The following WWOX variants were observed in gnomAD, a reference collection of about 807,000 sequenced individuals.
WWOX encodes the protein WW domain-containing oxidoreductase.
In WWOX, 69 loss-of-function variants were observed where a neutral mutation model predicts 46.2. That is an observed-to-expected ratio of 1.49 (90% confidence interval 1.23 to 1.82). The LOEUF (loss-of-function observed/expected upper bound fraction) is 1.82, where lower values mean the gene tolerates loss of function less well. WWOX is among the 40% of genes most tolerant of loss of function. The probability of loss-of-function intolerance (pLI) is 0.00; values close to 1 mark genes in which losing one functional copy is unlikely to be tolerated. For synonymous variants in WWOX, 359 were observed against 202.6 expected, an observed-to-expected ratio of 1.77 and a Z score of -6.56; for missense variants, 919 against 542.6, an observed-to-expected ratio of 1.69 and a Z score of -6.89.
At chr16:78,305,599 C>T (rs569514127) in intron 5 of WWOX, among the ~76,000 whole-genome samples, 7 of 151,948 alleles carry the variant, frequency 4.6e-5, no homozygotes, top group South Asian at 2.1e-4. Context: ...TGAGCAAGAC[C>T]GTGTCATCCA....
intron 8 of WWOX, among the ~76,000 whole-genome samples, chr16:78,767,819 C>T (rs538568929): frequency 3.5e-4 from 53 of 152,250 alleles, no homozygotes; most frequent in Admixed American, 1.3e-3. Context: ...GTTAAGCGTA[C>T]TTTCACGTGC....
chr16:78,361,277 C>T (rs573076227), intron 5 of WWOX, among the ~76,000 whole-genome samples: 2 of 152,258 alleles, frequency 1.3e-5, no homozygotes, highest in South Asian at 4.1e-4. Flanking sequence ...AGTATATTAT[C>T]TCAGGTAGAA....
At chr16:79,050,470 G>A (rs2048145482) in intron 8 of WWOX, among the ~76,000 whole-genome samples, 1 of 152,158 alleles carries the variant, frequency 6.6e-6, no homozygotes, top group African/African-American at 2.4e-5. Flanking sequence ...ACCCAGAACT[G>A]GCATACCCAT....
At chr16:78,438,865 C>G (rs80240771) in intron 8 of WWOX, among the ~76,000 whole-genome samples, 3 of 152,184 alleles carry the variant, frequency 2.0e-5, no homozygotes, top group African/African-American at 2.4e-5. Context: ...TAAATTATAA[C>G]TAGAAAAAGC....
intron 8 of WWOX, among the ~76,000 whole-genome samples, chr16:78,609,054 AATTAGTT>A (rs1283013882): frequency 2.0e-5 from 3 of 152,160 alleles, no homozygotes; most frequent in Non-Finnish European, 4.4e-5. Flanking sequence ...ATGATAGAAA[AATTAGTT>A]ATTAAACAGT....
intron 8 of WWOX, among the ~76,000 whole-genome samples, chr16:79,019,061 G>T (rs550739714): frequency 1.4e-5 from 2 of 146,456 alleles, no homozygotes; most frequent in Non-Finnish European, 3.0e-5. Flanking sequence ...GGAAGCTGAG[G>T]TAAGGAGGAT....
intron 8 of WWOX, among the ~76,000 whole-genome samples, chr16:78,793,359 C>G (rs1028849617): frequency 6.6e-6 from 1 of 152,188 alleles, no homozygotes; most frequent in East Asian, 1.9e-4. Flanking sequence ...CCATGCCAGG[C>G]CCCTGCCTCT....
intron 8 of WWOX, chr16:79,204,238 C>T (rs556265754): frequency 6.6e-6 from 1 of 152,214 alleles, no homozygotes; most frequent in East Asian, 1.9e-4. Flanking sequence ...GGGAATTCTT[C>T]CATGGATATA....
chr16:79,004,964 G>T (rs2047163518), intron 8 of WWOX, among the ~76,000 whole-genome samples: 1 of 152,130 alleles, frequency 6.6e-6, no homozygotes, highest in East Asian at 1.9e-4. Flanking sequence ...AGGAGGAGTT[G>T]TTGTTTTCTT....
At position 78,386,953 on chromosome 16, in the gene WWOX, G is replaced by A. The variant is rs1039151413; in HGVS notation, c.605+5G>A. 2.5e-6 allele frequency: 4 copies of A among 1,613,148 alleles called. No homozygotes were observed. The Admixed American group carries it at 6.7e-5, about 27-fold the overall frequency. The stretch of plus-strand genomic sequence containing the variant: ...AGCATTCAAGGCCAAGAATGTGTGA[G>A]TGTTCCAGTGGAGGGTTATAGATCA... On this transcript the variant is annotated splice_donor_5th_base_variant and intron_variant, in intron 6 of 8. Transcript: ENST00000566780.
At chr16:79,139,524 A>T (rs1292110481) in intron 8 of WWOX, among the ~76,000 whole-genome samples, 1 of 152,202 alleles carries the variant, frequency 6.6e-6, no homozygotes, top group Non-Finnish European at 1.5e-5. Flanking sequence ...CTGATGTCCA[A>T]ACACGATGTC....
At chr16:79,077,684 G>C (rs558768340) in intron 8 of WWOX, among the ~76,000 whole-genome samples, 1 of 148,930 alleles carries the variant, frequency 6.7e-6, no homozygotes, top group South Asian at 2.1e-4. Flanking sequence ...ATCTCTCGTA[G>C]CATCTAATGA....
chr16:78,849,367 C>A (rs1046687476), intron 8 of WWOX, among the ~76,000 whole-genome samples: 1 of 150,584 alleles, frequency 6.6e-6, no homozygotes, highest in African/African-American at 2.4e-5. Flanking sequence ...GTCGGGAGAT[C>A]GAGACTATCC....
intron 8 of WWOX, among the ~76,000 whole-genome samples, chr16:78,506,879 AT>A (rs1346797198): frequency 6.6e-6 from 1 of 151,676 alleles, no homozygotes; most frequent in Admixed American, 6.6e-5. Flanking sequence ...CGCCTGGCTA[AT>A]TTTTTGTATT....
At chr16:78,963,629 T>C (rs956976934) in intron 8 of WWOX, among the ~76,000 whole-genome samples, 1 of 152,130 alleles carries the variant, frequency 6.6e-6, no homozygotes, top group Non-Finnish European at 1.5e-5. Context: ...TAAAAATAAT[T>C]AAGGTGATGT....
At chr16:78,462,996 T>A (rs1403337473) in intron 8 of WWOX, among the ~76,000 whole-genome samples, 1 of 152,218 alleles carries the variant, frequency 6.6e-6, no homozygotes, top group Non-Finnish European at 1.5e-5. Flanking sequence ...CTCTCCTCTT[T>A]GCAGGCGCAG....
chr16:78,499,570 C>G (rs1176902656), intron 8 of WWOX, among the ~76,000 whole-genome samples: 24 of 152,236 alleles, frequency 1.6e-4, no homozygotes, highest in Admixed American at 1.2e-3. Flanking sequence ...GGTGGACGGG[C>G]TTCCTGCCTC....
intron 5 of WWOX, among the ~76,000 whole-genome samples, chr16:78,285,425 C>T (rs766573811): frequency 6.0e-5 from 9 of 151,068 alleles, no homozygotes; most frequent in Non-Finnish European, 1.0e-4. Context: ...AGAGTGAGAC[C>T]CTGTCTCTGA....
At chr16:78,892,716 T>C (rs1054690681) in intron 8 of WWOX, among the ~76,000 whole-genome samples, 2 of 152,204 alleles carry the variant, frequency 1.3e-5, no homozygotes, top group East Asian at 3.9e-4. Context: ...GTGATTGTGA[T>C]ACTATAGGAG....
Sources: allele counts gnomAD v4.1 joint callset (sites outside exome capture counted in the v4.1 genomes callset), GRCh38; gene constraint gnomAD v4.1.1; transcripts MANE v1.5; gene names NCBI Gene and HGNC (gene_info 2026-07-23, HGNC 2026-07-21).